The following AACS variants were observed in gnomAD, a reference collection of about 807,000 sequenced individuals.
The protein encoded by AACS is acetoacetyl-CoA synthetase, also known as acetoacetate-CoA ligase.
A neutral mutation model predicts 83.1 loss-of-function variants in AACS; 69 were observed. The ratio of observed to expected loss-of-function variants is 0.83; its 90% CI spans 0.68 to 1.01. AACS has a LOEUF of 1.01. Among genes scored for constraint, AACS ranks in the 50% least tolerant of loss-of-function variants. The probability of loss-of-function intolerance (pLI) is 0.00; values close to 1 mark genes in which losing one functional copy is unlikely to be tolerated. For synonymous variants in AACS, 333 were observed against 343.4 expected, an observed-to-expected ratio of 0.97 and a Z score of 0.33; for missense variants, 866 against 882.2, an observed-to-expected ratio of 0.98 and a Z score of 0.23.
rs1018956766 is a variant in AACS, at chr12:125,113,198, G to A, written c.916-1279G>A. On this transcript the variant is annotated intron_variant, in intron 8 of 17. Transcript: ENST00000316519. The surrounding 1 kb of genome is among the most constrained non-coding windows in gnomAD (Gnocchi z 4.8). ...GATTGTTCCTGGTGAGCTCTTAAAGGGATCATCTCCTGCAACTGGCTTTTG... is the reference window on the plus strand; with the variant it reads ...GATTGTTCCTGGTGAGCTCTTAAAGAGATCATCTCCTGCAACTGGCTTTTG... Among the ~76,000 whole-genome samples the A allele has an allele frequency of 6.6e-6, 1 of 152,182 alleles. No homozygotes were observed. The highest frequency in any genetic ancestry group is 2.4e-5 in the African/African-American group (1 of 41,446).
intron 15 of AACS, 61 bp from the exon 16 acceptor site, chr12:125,134,733 C>A (rs1957376678): frequency 2.5e-6 from 4 of 1,596,310 alleles, no homozygotes; most frequent in African/African-American, 1.3e-5. Flanking sequence ...TCCCGTGGGA[C>A]CCCTGGGACT....
In AACS at chr12:125,118,736, T is replaced by C. The variant is rs775208186; in HGVS notation, c.1092T>C (p.Asn364=). The part of the protein sequence containing the change: ...YDGSPLVPTP[N]VLWDLVDRIG... Reference sequence around the variant, plus strand: ...GCTCCCCCCTGGTGCCCACGCCCAATGTGCTCTGGGACCTGGTTGACAGGA... The same window carrying C: ...GCTCCCCCCTGGTGCCCACGCCCAACGTGCTCTGGGACCTGGTTGACAGGA... Residue 364 remains asparagine, a synonymous_variant, in exon 10 of 18, where the codon AAT becomes AAC. Coordinates refer to ENST00000316519, the MANE Select transcript of AACS (RefSeq NM_023928.5). 6.2e-7 allele frequency: 1 copy of C among 1,614,150 alleles called. No homozygotes were observed. Among genetic ancestry groups the C allele is most frequent in the South Asian group, 1.1e-5 (1 of 91,070 alleles).
chr12:125,131,831 T>C (rs1014338419), intron 14 of AACS, among the ~76,000 whole-genome samples: 2 of 152,054 alleles, frequency 1.3e-5, no homozygotes, highest in East Asian at 3.9e-4. Context: ...ACTCCTGATC[T>C]TGTGATCCAC....
intron 16 of AACS, chr12:125,136,338 C>G (rs1161716937): frequency 9.3e-6 from 3 of 321,464 alleles, no homozygotes. Context: ...GCGTGAGCCA[C>G]CATGCCCGGC....
chr12:125,076,772 GA>G (rs2136043404), intron 3 of AACS, among the ~76,000 whole-genome samples, 161 bp downstream of exon 3: 1 of 152,296 alleles, frequency 6.6e-6, no homozygotes, highest in South Asian at 2.1e-4. Flanking sequence ...CTGGGGAGGG[GA>G]AAGGGCCAGT....
At chr12:125,076,203 T>A (rs7306617) in intron 2 of AACS, among the ~76,000 whole-genome samples, 28,486 of 152,196 alleles carry the variant, frequency 0.19, 3,053 homozygotes, top group African/African-American at 0.3. Context: ...GTCGTCTTTG[T>A]CTTTAGGATC....
chr12:125,116,256 T>C (rs1284405917), intron 9 of AACS, among the ~76,000 whole-genome samples: 2 of 152,100 alleles, frequency 1.3e-5, no homozygotes, highest in African/African-American at 4.8e-5. Flanking sequence ...TGATGCAGGA[T>C]TCGGCTGCCT....
intron 8 of AACS, 199 bp from the exon 9 acceptor site, chr12:125,114,278 G>A (rs1225421904): frequency 2.2e-6 from 1 of 459,000 alleles, no homozygotes; most frequent in Non-Finnish European, 3.8e-6. Flanking sequence ...CTCAGCTCTT[G>A]GGGGAGAGGG....
chr12:125,074,609 C>T (rs1955967700), intron 2 of AACS, among the ~76,000 whole-genome samples: 1 of 149,862 alleles, frequency 6.7e-6, no homozygotes, highest in Non-Finnish European at 1.5e-5. Context: ...ACCATCTTAA[C>T]TATTTTAAAC....
rs1381211719 is a variant in AACS at position 125,130,636 on chromosome 12, A to G, written c.1549+1176A>G. Reference sequence around the variant, plus strand: ...ATGTGATAGATGTCTCTCAGGATTAATTTCAGAATAATCTTTTTTTGAAAC... The same window carrying G: ...ATGTGATAGATGTCTCTCAGGATTAGTTTCAGAATAATCTTTTTTTGAAAC... On this transcript the variant is annotated intron_variant, in intron 14 of 17. Transcript: ENST00000316519. The surrounding 1 kb of genome is among the most constrained non-coding windows in gnomAD (Gnocchi z 4.9). 6.6e-6 allele frequency among the ~76,000 whole-genome samples: 1 copy of G among 152,234 alleles called. No homozygotes were observed. Among genetic ancestry groups the G allele is most frequent in the Admixed American group, 6.5e-5 (1 of 15,284 alleles).
At chr12:125,128,444 G>A (rs985421600) in intron 13 of AACS, 170 bp downstream of exon 13, 23 of 531,410 alleles carry the variant, frequency 4.3e-5, no homozygotes, top group Non-Finnish European at 6.7e-5. Context: ...TTTAACACCC[G>A]CCGGGCTTCT....
At chr12:125,068,312 A>C (rs1435029659) in intron 1 of AACS, among the ~76,000 whole-genome samples, 1 of 152,124 alleles carries the variant, frequency 6.6e-6, no homozygotes. Flanking sequence ...ACAAAAAATT[A>C]TCTGGGTGTG....
chr12:125,075,552 A>G (rs975320877), intron 2 of AACS, among the ~76,000 whole-genome samples: 1 of 150,868 alleles, frequency 6.6e-6, no homozygotes, highest in African/African-American at 2.4e-5. Context: ...TTGGCCTGCC[A>G]AAGTGCTGGG....
intron 9 of AACS, chr12:125,118,188 T>A (rs1957090940): frequency 6.0e-6 from 1 of 165,532 alleles, no homozygotes; most frequent in Admixed American, 6.2e-5. Flanking sequence ...CCATTCATCA[T>A]GGATGAACAA....
intron 10 of AACS, chr12:125,122,030 C>G (rs558291914): frequency 8.7e-4 from 132 of 152,356 alleles, no homozygotes; most frequent in Non-Finnish European, 1.6e-3. Context: ...AGGGAGTCCT[C>G]GAGAGTCCTC....
intron 8 of AACS, among the ~76,000 whole-genome samples, chr12:125,114,211 G>A (rs1387331013): frequency 1.3e-5 from 2 of 151,400 alleles, no homozygotes; most frequent in Admixed American, 6.6e-5. Context: ...CCTGGGCACC[G>A]AGAGCTTGAG....
Position 125,134,708 on chromosome 12 carries a change from G to T in AACS, c.1620-86G>T, listed in dbSNP as rs1359448658. ...GTCCTGGGGGATGCCATGGGAAAGT[G>T]GGGGGTGACTGCCCTCCCGTGGGAC... On this transcript the variant is annotated intron_variant, in intron 15 of 17. Transcript: ENST00000316519. 6.2e-6 allele frequency: 9 copies of T among 1,452,488 alleles called. 1 individual carries two copies. In the East Asian group the frequency reaches 9.2e-5, roughly 15 times the overall value. 90.0% of individuals were successfully genotyped at this position (1,452,488 alleles called of 1,614,324 possible).
intron 4 of AACS, 45 bp from the exon 5 acceptor site, chr12:125,091,381 C>T: frequency 6.3e-7 from 1 of 1,593,642 alleles, no homozygotes; most frequent in Non-Finnish European, 8.6e-7. Flanking sequence ...CTGCTACCTC[C>T]CATACACCCT....
At position 125,065,489 on chromosome 12, in the gene AACS, A is replaced by T; in HGVS notation, c.-96A>T. The T allele has an allele frequency of 7.7e-7, 1 of 1,292,010 alleles. No individual in the cohort carries two copies. Among genetic ancestry groups the T allele is most frequent in the Non-Finnish European group, 1.0e-6 (1 of 999,716 alleles). 80.0% of individuals were successfully genotyped at this position (1,292,010 alleles called of 1,614,324 possible). A position where few individuals can be genotyped will look rare whatever the true frequency, so the allele number is the denominator to read the frequency against. On this transcript the variant is annotated 5_prime_UTR_variant, in exon 1 of 18. Coordinates refer to ENST00000316519, the MANE Select transcript of AACS (RefSeq NM_023928.5). ...TGACCCAGCCCGCCAGGCGCTCCTGACCGTCGCTTCCTCCGGTCCCAGGTC... is the reference window on the plus strand; with the variant it reads ...TGACCCAGCCCGCCAGGCGCTCCTGTCCGTCGCTTCCTCCGGTCCCAGGTC...
Sources: gnomAD v4.1 joint callset for allele counts (sites outside exome capture counted in the v4.1 genomes callset) on GRCh38, gnomAD v4.1.1 for gene constraint, Gnocchi (gnomAD v3.1) non-coding constraint, MANE v1.5 for transcripts, NCBI Gene and HGNC (gene_info 2026-07-23, HGNC 2026-07-21) for gene names.